The following DPP10 variants were observed in gnomAD, a reference collection of about 807,000 sequenced individuals.
The protein encoded by DPP10 is dipeptidyl peptidase like 10.
DPP10 carries 33 observed loss-of-function variants against 120.9 expected under a neutral mutation model. That is an observed-to-expected ratio of 0.27 (90% confidence interval 0.21 to 0.37). DPP10 has a LOEUF of 0.37. DPP10 is among the 10% of genes least tolerant of loss of function. The pLI, the probability that DPP10 is intolerant of heterozygous loss-of-function variation, is 1.00. For missense variants in DPP10, 816 were observed against 942.8 expected (o/e 0.87, Z 1.76); for synonymous variants, 337 against 326.1 (o/e 1.03, Z -0.36).
In DPP10 at chr2:114,461,774, T is replaced by A. The variant is rs374808899; in HGVS notation, c.60+18936T>A. On this transcript the variant is annotated intron_variant, in intron 1 of 25. Transcript: ENST00000410059. Reference sequence around the variant, plus strand: ...GGGGCTCAGTGCTGCCATCCGTAAATTGGAGGATTAGAGAAATAATATACA... The same window carrying A: ...GGGGCTCAGTGCTGCCATCCGTAAAATGGAGGATTAGAGAAATAATATACA... 5.4e-5 allele frequency: 53 copies of A among 985,318 alleles called. No homozygotes were observed. In the East Asian group the frequency reaches 2.3e-3, roughly 42 times the overall value. 61.0% of individuals were successfully genotyped at this position (985,318 alleles called of 1,614,324 possible). A position where few individuals can be genotyped will look rare whatever the true frequency, so the allele number is the denominator to read the frequency against.
chr2:114,793,506 G>T (rs1392079464), intron 1 of DPP10, among the ~76,000 whole-genome samples: 1 of 152,038 alleles, frequency 6.6e-6, no homozygotes, highest in Non-Finnish European at 1.5e-5. Flanking sequence ...TTTTTAAAAT[G>T]TTCACCTAAA....
intron 19 of DPP10, among the ~76,000 whole-genome samples, chr2:115,814,282 A>C (rs1446367658): frequency 6.6e-6 from 1 of 152,126 alleles, no homozygotes; most frequent in African/African-American, 2.4e-5. Context: ...AAAACAATTC[A>C]GGAAATACTA....
chr2:115,295,942 C>T (rs1224022776), intron 1 of DPP10, among the ~76,000 whole-genome samples: 1 of 152,008 alleles, frequency 6.6e-6, no homozygotes, highest in Non-Finnish European at 1.5e-5. Context: ...TTGATTTTGT[C>T]AGAGTTAATA....
At chr2:114,576,845 C>G (rs1023470851) in intron 1 of DPP10, among the ~76,000 whole-genome samples, 1 of 151,698 alleles carries the variant, frequency 6.6e-6, no homozygotes, top group Non-Finnish European at 1.5e-5. Flanking sequence ...TGTAGAAATT[C>G]TGGAGCTACC....
chr2:115,762,525 T>C, intron 11 of DPP10, 47 bp from the exon 12 acceptor site: 1 of 1,607,716 alleles, frequency 6.2e-7, no homozygotes. Context: ...TTATATATGC[T>C]CATTTTGGTC....
intron 2 of DPP10, among the ~76,000 whole-genome samples, chr2:115,314,036 G>A (rs558465410): frequency 6.6e-6 from 1 of 152,304 alleles, no homozygotes; most frequent in Admixed American, 6.5e-5. Flanking sequence ...GTAAAGGTAT[G>A]CATCTACTTT....
Position 114,754,941 on chromosome 2 carries a change from T to C in DPP10, c.60+312103T>C, listed in dbSNP as rs139406161. ...CTGGCAAACAAAGGGGCTATATTTA[T>C]ATAAATGGTTAACTTTTAGTCATGT... On this transcript the variant is annotated intron_variant, in intron 1 of 25. Coordinates refer to ENST00000410059, the MANE Select transcript of DPP10 (RefSeq NM_020868.6). Among the ~76,000 whole-genome samples, 443 of 152,362 alleles carry C rather than the reference T, an allele frequency of 2.9e-3. 5 individuals carry two copies. The highest frequency in any genetic ancestry group is 9.6e-3 in the Admixed American group (147 of 15,312).
rs554237718 is a variant in DPP10, at chr2:114,473,430, AC to A, written c.60+30595del. 1.7e-3 allele frequency among the ~76,000 whole-genome samples: 258 copies of A among 152,292 alleles called. 1 individual carries two copies. The highest frequency in any genetic ancestry group is 6.0e-3 in the African/African-American group (251 of 41,562). On this transcript the variant is annotated intron_variant, in intron 1 of 25. Coordinates refer to ENST00000410059, the MANE Select transcript of DPP10 (RefSeq NM_020868.6). ...AAGACAGTTATTTACCATAGTTATA[AC>A]CCAATGTGTCCTGCTGAAATGGCTT...
chr2:115,429,789 G>A (rs1376494509), intron 3 of DPP10, among the ~76,000 whole-genome samples: 1 of 152,110 alleles, frequency 6.6e-6, no homozygotes, highest in East Asian at 1.9e-4. Flanking sequence ...GGTAGATATG[G>A]GACAAATACT....
rs79508084 is a variant in DPP10 at position 115,634,680 on chromosome 2, C to T, written c.442-55007C>T. Among the ~76,000 whole-genome samples, 1,195 of 152,250 alleles carry T rather than the reference C, an allele frequency of 7.8e-3. 16 individuals are homozygous for T. The highest frequency in any genetic ancestry group is 0.028 in the African/African-American group (1,150 of 41,544). ...CTGGCAACCCTAATTGAGGGTTCTC[C>T]TCCAGTCAGGAGGCACCGGATGTGG... On this transcript the variant is annotated intron_variant, in intron 5 of 25. Transcript: ENST00000410059.
At chr2:115,531,402 G>C (rs2078457971) in intron 5 of DPP10, among the ~76,000 whole-genome samples, 1 of 152,060 alleles carries the variant, frequency 6.6e-6, no homozygotes, top group Non-Finnish European at 1.5e-5. Context: ...TACGCAGCCA[G>C]AATCTCACCA....
At chr2:115,623,584 G>A (rs1288889316) in intron 5 of DPP10, among the ~76,000 whole-genome samples, 2 of 152,108 alleles carry the variant, frequency 1.3e-5, no homozygotes, top group Non-Finnish European at 2.9e-5. Context: ...CAAGACCCCT[G>A]CTTTAACAGA....
intron 19 of DPP10, among the ~76,000 whole-genome samples, chr2:115,800,014 A>T (rs1308731195): frequency 1.2e-3 from 180 of 151,590 alleles, no homozygotes; most frequent in Non-Finnish European, 2.2e-3. Context: ...CGCCACACCG[A>T]CTTCCACAAT....
intron 1 of DPP10, among the ~76,000 whole-genome samples, chr2:114,796,079 C>T (rs1192040138): frequency 1.3e-5 from 2 of 152,164 alleles, no homozygotes; most frequent in Non-Finnish European, 2.9e-5. Flanking sequence ...ATCACCTCCT[C>T]CTGAGCAGTT....
rs6760057 is a variant in DPP10 at position 114,936,346 on chromosome 2, C to T, written c.61-372893C>T. On this transcript the variant is annotated intron_variant, in intron 1 of 25. Transcript: ENST00000410059. ...TTCCTTTTTATGGCTAAGTAGTGTT[C>T]GATAGTGTATATATATATGTGTGTG... is the stretch of plus-strand genomic sequence containing the variant. Among the ~76,000 whole-genome samples the T allele has an allele frequency of 9.2e-3, 1,376 of 149,788 alleles. 23 individuals carry two copies. The highest frequency in any genetic ancestry group is 0.032 in the African/African-American group (1,297 of 40,492).
chr2:115,393,294 C>G (rs1438756779), intron 3 of DPP10, among the ~76,000 whole-genome samples: 1 of 131,634 alleles, frequency 7.6e-6, no homozygotes, highest in Non-Finnish European at 1.6e-5. Flanking sequence ...GCCTGGGTGA[C>G]AGAGGAAGAC....
chr2:115,449,567 T>C (rs2072930469), intron 3 of DPP10, among the ~76,000 whole-genome samples: 1 of 152,102 alleles, frequency 6.6e-6, no homozygotes. Context: ...GACTTTATCA[T>C]GATGAGCATC....
intron 1 of DPP10, among the ~76,000 whole-genome samples, chr2:115,091,629 C>T (rs549259825): frequency 6.6e-6 from 1 of 152,160 alleles, no homozygotes; most frequent in African/African-American, 2.4e-5. Context: ...ATTGGCCGTC[C>T]GTCCTACCAA....
intron 1 of DPP10, among the ~76,000 whole-genome samples, chr2:114,663,796 C>G (rs994992739): frequency 3.3e-5 from 5 of 151,854 alleles, no homozygotes; most frequent in Non-Finnish European, 7.4e-5. Context: ...TACTTAGTCT[C>G]TCTGTATACT....
Sources: gnomAD v4.1 joint callset for allele counts (sites outside exome capture counted in the v4.1 genomes callset) on GRCh38, gnomAD v4.1.1 for gene constraint, MANE v1.5 for transcripts, NCBI Gene and HGNC (gene_info 2026-07-23, HGNC 2026-07-21) for gene names.